Variants in SOX6 observed in about 807,000 individuals in gnomAD.
The protein encoded by SOX6 is SRY-box transcription factor 6.
In SOX6, 11 loss-of-function variants were observed where a neutral mutation model predicts 97.8. The ratio of observed to expected loss-of-function variants is 0.11; its 90% confidence interval spans 0.07 to 0.19. The LOEUF (loss-of-function observed/expected upper bound fraction) is 0.19. Ranked by LOEUF, SOX6 falls within the 10% of genes least tolerant of loss-of-function variation. SOX6 has a pLI of 1.00. For synonymous variants in SOX6, 360 were observed against 371.4 expected (o/e 0.97, Z 0.35); for missense variants, 810 against 1,039.5 (o/e 0.78, Z 3.04).
chr11:16,386,278 G>T (rs553774648), intron 1 of SOX6, among the ~76,000 whole-genome samples: 1 of 147,760 alleles, frequency 6.8e-6, no homozygotes, highest in African/African-American at 2.5e-5. Context: ...ACAAAACAAA[G>T]AAAAGTTTAC....
At chr11:16,127,334 A>G (rs1849633456) in intron 6 of SOX6, among the ~76,000 whole-genome samples, 1 of 152,108 alleles carries the variant, frequency 6.6e-6, no homozygotes, top group Non-Finnish European at 1.5e-5. Context: ...TTCTTCATGT[A>G]TACTTACTCA....
At chr11:15,987,793 T>C (rs550174247) in intron 14 of SOX6, among the ~76,000 whole-genome samples, 1 of 151,584 alleles carries the variant, frequency 6.6e-6, no homozygotes, top group African/African-American at 2.4e-5. Context: ...AACATCCCTA[T>C]GCATAACTCT....
chr11:16,211,346 C>A (rs780507901), intron 4 of SOX6, among the ~76,000 whole-genome samples: 1 of 151,736 alleles, frequency 6.6e-6, no homozygotes. Context: ...AAGGAGAAAG[C>A]AGGGATTTAA....
intron 3 of SOX6, among the ~76,000 whole-genome samples, chr11:16,291,500 T>G (rs1854919275): frequency 6.6e-6 from 1 of 151,976 alleles, no homozygotes; most frequent in African/African-American, 2.4e-5. Context: ...GTTGTTGTTG[T>G]TGTTTTGTGT....
chr11:16,221,678 GAC>G (rs1409901447), intron 4 of SOX6, among the ~76,000 whole-genome samples: 1 of 152,138 alleles, frequency 6.6e-6, no homozygotes, highest in Admixed American at 6.6e-5. Flanking sequence ...AAGGGAAAAT[GAC>G]AGTTTTGGAA....
chr11:16,561,776 T>G (rs1589986197), intron 4 of SOX6, among the ~76,000 whole-genome samples: 1 of 152,098 alleles, frequency 6.6e-6, no homozygotes, highest in Non-Finnish European at 1.5e-5. Context: ...GTCACCCAGA[T>G]TGGAGTGCAG....
At chr11:16,035,496 C>T (rs1010102348) in intron 12 of SOX6, among the ~76,000 whole-genome samples, 5 of 152,086 alleles carry the variant, frequency 3.3e-5, no homozygotes, top group Non-Finnish European at 5.9e-5. Flanking sequence ...CTTAAAACTG[C>T]CACGAGCAAA....
intron 6 of SOX6, among the ~76,000 whole-genome samples, chr11:16,157,070 T>C (rs1009462428): frequency 6.6e-6 from 1 of 152,026 alleles, no homozygotes; most frequent in Non-Finnish European, 1.5e-5. Context: ...TGAACAGAGG[T>C]GTCAACTGTC....
At chr11:16,233,921 C>T (rs1053847368) in intron 4 of SOX6, among the ~76,000 whole-genome samples, 1 of 150,220 alleles carries the variant, frequency 6.7e-6, no homozygotes, top group East Asian at 2.0e-4. Context: ...GCAGGAGAAT[C>T]GCTTGAACCT....
intron 4 of SOX6, among the ~76,000 whole-genome samples, chr11:16,600,185 A>G (rs1848252493): frequency 6.6e-6 from 1 of 152,230 alleles, no homozygotes. Flanking sequence ...ACTGCATTTT[A>G]ATTACCATGC....
chr11:16,055,074 A>T (rs1413706050), intron 10 of SOX6, among the ~76,000 whole-genome samples: 1 of 152,158 alleles, frequency 6.6e-6, no homozygotes, highest in Non-Finnish European at 1.5e-5. Context: ...ATGACAACTC[A>T]TTCCTTAAAG....
intron 3 of SOX6, among the ~76,000 whole-genome samples, chr11:16,272,014 T>A (rs1317201264): frequency 1.3e-5 from 2 of 151,362 alleles, no homozygotes; most frequent in African/African-American, 4.8e-5. Context: ...ATTTAAAATG[T>A]ATTCCATAAA....
intron 6 of SOX6, among the ~76,000 whole-genome samples, chr11:16,115,659 C>T (rs1349805863): frequency 6.6e-6 from 1 of 152,128 alleles, no homozygotes; most frequent in Non-Finnish European, 1.5e-5. Context: ...CCTAAGGTTA[C>T]AGTGTCATGA....
At chr11:16,492,221 G>GA (rs1860519230) in intron 4 of SOX6, among the ~76,000 whole-genome samples, 1 of 152,134 alleles carries the variant, frequency 6.6e-6, no homozygotes, top group African/African-American at 2.4e-5. Flanking sequence ...TTTTAGTGTG[G>GA]AAAAAAGGTA....
chr11:16,277,256 C>A (rs1429284206), intron 3 of SOX6, among the ~76,000 whole-genome samples: 1 of 152,002 alleles, frequency 6.6e-6, no homozygotes, highest in Non-Finnish European at 1.5e-5. Context: ...GCCTTCATAA[C>A]AGGACTATTG....
In SOX6 at chr11:16,438,942, T is replaced by C. The variant is rs188752438; in HGVS notation, c.-5+37373A>G. On this transcript the variant is annotated intron_variant, in intron 1 of 15. Transcript: ENST00000396356. ...CTGACAAGAAGTACAGGAGAGCATGTAGGTGAATAGGAAGAAGTATATTGT... is the reference window on the plus strand; with the variant it reads ...CTGACAAGAAGTACAGGAGAGCATGCAGGTGAATAGGAAGAAGTATATTGT... Among the ~76,000 whole-genome samples the C allele has an allele frequency of 4.6e-3, 702 of 152,266 alleles. 5 individuals carry two copies. Among genetic ancestry groups the C allele is most frequent in the African/African-American group, 0.016 (679 of 41,548 alleles).
At chr11:16,069,139 T>C (rs1848161853) in intron 9 of SOX6, among the ~76,000 whole-genome samples, 1 of 152,172 alleles carries the variant, frequency 6.6e-6, no homozygotes, top group African/African-American at 2.4e-5. Flanking sequence ...GGGTTCACCA[T>C]GTAATGCACT....
intron 1 of SOX6, among the ~76,000 whole-genome samples, chr11:16,393,406 C>CA (rs200646003): frequency 2.9e-5 from 4 of 135,902 alleles, no homozygotes; most frequent in African/African-American, 5.4e-5. Context: ...CATTTGTTTT[C>CA]AAAAAAAATA....
Position 16,410,370 on chromosome 11 carries a change from G to A in SOX6, c.-5+65945C>T, listed in dbSNP as rs1858779579. On this transcript the variant is annotated intron_variant, in intron 1 of 15. Coordinates refer to the SOX6 transcript ENST00000396356. ...GGTCATGACAGGCTCTTTGTGGTGG[G>A]AAATATTTATTATTTAACATTAAGT... 4.6e-5 allele frequency among the ~76,000 whole-genome samples: 7 copies of A among 152,050 alleles called. No individual in the cohort carries two copies. The South Asian group carries it at 1.5e-3, about 32-fold the overall frequency.
Sources: gnomAD v4.1 joint callset for allele counts (sites outside exome capture counted in the v4.1 genomes callset) on GRCh38, gnomAD v4.1.1 for gene constraint, MANE v1.5 for transcripts, NCBI Gene and HGNC (gene_info 2026-07-23, HGNC 2026-07-21) for gene names.